The following PRKN variants were observed in gnomAD, a reference collection of about 807,000 sequenced individuals.
PRKN encodes the protein E3 ubiquitin-protein ligase parkin.
In PRKN, 56 loss-of-function variants were observed where a neutral mutation model predicts 59.5. The ratio of observed to expected loss-of-function variants is 0.94; its 90% CI spans 0.76 to 1.18. The LOEUF (loss-of-function observed/expected upper bound fraction) is 1.18, where lower values mean the gene tolerates loss of function less well. Among genes scored for constraint, PRKN ranks in the 50% most tolerant of loss-of-function variants. The pLI, the probability that PRKN is intolerant of heterozygous loss-of-function variation, is 0.00. For missense variants in PRKN, 657 were observed against 596.4 expected (o/e 1.10, Z -1.06); for synonymous variants, 250 against 222.1 (o/e 1.13, Z -1.12).
chr6:161,605,698 T>C (rs1022257666), intron 7 of PRKN, among the ~76,000 whole-genome samples: 3 of 152,048 alleles, frequency 2.0e-5, no homozygotes, highest in Non-Finnish European at 2.9e-5. Context: ...TTAGTAGAGA[T>C]GGGGTTTCCC....
intron 9 of PRKN, among the ~76,000 whole-genome samples, chr6:161,534,480 G>A (rs764952933): frequency 2.5e-4 from 38 of 152,180 alleles, no homozygotes; most frequent in Non-Finnish European, 4.4e-4. Flanking sequence ...GCAGCTCCAC[G>A]TGTGGGCAAG....
At chr6:161,411,655 A>G (rs1787545726) in intron 9 of PRKN, among the ~76,000 whole-genome samples, 1 of 150,752 alleles carries the variant, frequency 6.6e-6, no homozygotes, top group South Asian at 2.1e-4. Flanking sequence ...CCATTCACTC[A>G]TTGCTTCCTT....
intron 4 of PRKN, among the ~76,000 whole-genome samples, chr6:162,127,326 T>C (rs1183159224): frequency 6.6e-6 from 1 of 152,222 alleles, no homozygotes; most frequent in Non-Finnish European, 1.5e-5. Context: ...AACTCAACTT[T>C]TGCTTTCCAA....
chr6:162,602,176 T>A (rs568540980), intron 1 of PRKN, among the ~76,000 whole-genome samples: 12 of 152,202 alleles, frequency 7.9e-5, no homozygotes, highest in African/African-American at 2.9e-4. Flanking sequence ...CAGAAAAGAA[T>A]CCAGGGAGAA....
At chr6:162,570,803 C>T (rs1321322451) in intron 1 of PRKN, among the ~76,000 whole-genome samples, 1 of 151,868 alleles carries the variant, frequency 6.6e-6, no homozygotes, top group Non-Finnish European at 1.5e-5. Context: ...GAATAGTTAT[C>T]AGAGGTTGGG....
At chr6:162,048,441 C>T (rs1777476946) in intron 5 of PRKN, among the ~76,000 whole-genome samples, 1 of 151,898 alleles carries the variant, frequency 6.6e-6, no homozygotes, top group Non-Finnish European at 1.5e-5. Flanking sequence ...CCACAGGTCT[C>T]GGAGGGGAGC....
In PRKN at chr6:161,704,738, C is replaced by T. The variant is rs142440642; in HGVS notation, c.871+81034G>A. On this transcript the variant is annotated intron_variant, in intron 7 of 11. Transcript: ENST00000366898. ...TGACCAGTCCTCTGGTCTGACTTCCCGACTGTATCCCTTTCTCTGTATCCA... is the reference window on the plus strand; with the variant it reads ...TGACCAGTCCTCTGGTCTGACTTCCTGACTGTATCCCTTTCTCTGTATCCA... Among the ~76,000 whole-genome samples the T allele has an allele frequency of 5.5e-3, 830 of 152,210 alleles. 6 individuals are homozygous for T. The highest frequency in any genetic ancestry group is 0.024 in the Middle Eastern group (7 of 294).
chr6:161,703,408 CAT>C (rs1786335802), intron 7 of PRKN, among the ~76,000 whole-genome samples: 1 of 152,142 alleles, frequency 6.6e-6, no homozygotes, highest in Non-Finnish European at 1.5e-5. Flanking sequence ...ATTAGTGAAA[CAT>C]AAGTTAAAGT....
chr6:161,822,909 C>T (rs1792092226), intron 6 of PRKN, among the ~76,000 whole-genome samples: 2 of 152,036 alleles, frequency 1.3e-5, no homozygotes, highest in Admixed American at 1.3e-4. Context: ...TTACTTATAT[C>T]CTTGCCAATT....
At chr6:162,141,650 G>A (rs1348383589) in intron 4 of PRKN, among the ~76,000 whole-genome samples, 4 of 152,174 alleles carry the variant, frequency 2.6e-5, no homozygotes, top group African/African-American at 9.7e-5. Context: ...ATTGGTAATA[G>A]AGAAACTTAA....
chr6:162,677,298 G>C (rs1027237454), intron 1 of PRKN, among the ~76,000 whole-genome samples: 7 of 151,672 alleles, frequency 4.6e-5, no homozygotes, highest in African/African-American at 1.7e-4. Flanking sequence ...AGACGGGCAA[G>C]GGCAGTTCAA....
intron 6 of PRKN, among the ~76,000 whole-genome samples, chr6:161,919,973 G>A (rs1778716534): frequency 1.3e-5 from 2 of 152,176 alleles, no homozygotes; most frequent in Non-Finnish European, 2.9e-5. Flanking sequence ...ACATCACAGA[G>A]CATACTTACA....
At chr6:162,440,442 G>A (rs1789997855) in intron 2 of PRKN, among the ~76,000 whole-genome samples, 1 of 152,180 alleles carries the variant, frequency 6.6e-6, no homozygotes, top group Admixed American at 6.5e-5. Flanking sequence ...CCTCAAAGAA[G>A]GTGAAACTAA....
chr6:161,792,928 A>C (rs1158314904), intron 6 of PRKN, among the ~76,000 whole-genome samples: 1 of 152,236 alleles, frequency 6.6e-6, no homozygotes, highest in Non-Finnish European at 1.5e-5. Context: ...CTGAAATCTC[A>C]GAGACCAAAT....
At chr6:161,832,176 A>G (rs527357908) in intron 6 of PRKN, among the ~76,000 whole-genome samples, 2 of 152,368 alleles carry the variant, frequency 1.3e-5, no homozygotes, top group East Asian at 3.9e-4. Flanking sequence ...TTCAAGAGAA[A>G]TGCAAATGTA....
intron 5 of PRKN, among the ~76,000 whole-genome samples, chr6:162,000,724 T>C (rs1261573814): frequency 6.6e-6 from 1 of 152,102 alleles, no homozygotes; most frequent in Admixed American, 6.6e-5. Context: ...AAGTTATTAC[T>C]ATACCTAAGG....
intron 1 of PRKN, among the ~76,000 whole-genome samples, chr6:162,654,474 C>T (rs1485865119): frequency 6.6e-6 from 1 of 152,202 alleles, no homozygotes; most frequent in Non-Finnish European, 1.5e-5. Flanking sequence ...GTGCCACACA[C>T]ATTCAACTGG....
rs138594990 is a variant in PRKN at position 161,521,355 on chromosome 6, C to T, written c.1083+27499G>A. 3.5e-3 allele frequency among the ~76,000 whole-genome samples: 537 copies of T among 152,184 alleles called. 4 individuals carry two copies. Among genetic ancestry groups the T allele is most frequent in the African/African-American group, 0.012 (512 of 41,526 alleles). The stretch of plus-strand genomic sequence containing the variant: ...CATTGTTGCAGGTCTGACAAATTAC[C>T]GAAAGCAAAGCATAAAATTAGGATA... On this transcript the variant is annotated intron_variant, in intron 9 of 11. Coordinates refer to ENST00000366898, the MANE Select transcript of PRKN (RefSeq NM_004562.3).
At chr6:162,245,591 G>C (rs1346503708) in intron 3 of PRKN, among the ~76,000 whole-genome samples, 2 of 152,074 alleles carry the variant, frequency 1.3e-5, no homozygotes, top group Middle Eastern at 3.2e-3. Flanking sequence ...ACGCTCAAAT[G>C]GACCAAATAA....
Sources: allele counts gnomAD v4.1 joint callset (sites outside exome capture counted in the v4.1 genomes callset), GRCh38; gene constraint gnomAD v4.1.1; transcripts MANE v1.5; gene names NCBI Gene and HGNC (gene_info 2026-07-23, HGNC 2026-07-21).